The following IL1RAPL1 variants were observed in gnomAD, a reference collection of about 807,000 sequenced individuals.
IL1RAPL1 encodes the protein interleukin-1 receptor accessory protein-like 1.
In IL1RAPL1, 3 loss-of-function variants were observed where a neutral mutation model predicts 48.4. The ratio of observed to expected loss-of-function variants is 0.06; its 90% CI spans 0.03 to 0.16. The LOEUF (loss-of-function observed/expected upper bound fraction) is 0.16. IL1RAPL1 is among the 10% of genes least tolerant of loss of function. The pLI, the probability that IL1RAPL1 is intolerant of heterozygous loss-of-function variation, is 1.00. For missense variants in IL1RAPL1, 349 were observed against 530.6 expected (o/e 0.66, Z 3.36); for synonymous variants, 185 against 187.7 (o/e 0.99, Z 0.12).
chrX:29,162,222 G>T (rs1454612533), intron 2 of IL1RAPL1, among the ~76,000 whole-genome samples: 2 of 110,819 alleles, frequency 1.8e-5, no homozygotes, highest in Non-Finnish European at 3.8e-5. Context: ...TAGGAGACAA[G>T]GGGAGGGAGA....
chrX:28,904,889 ATACT>A (rs1232705880), intron 2 of IL1RAPL1, among the ~76,000 whole-genome samples: 2 of 112,147 alleles, frequency 1.8e-5, no homozygotes, highest in African/African-American at 3.2e-5. Flanking sequence ...AACAATTTTA[ATACT>A]TACCATTTAA....
At chrX:28,972,316 C>G (rs1925097252) in intron 2 of IL1RAPL1, among the ~76,000 whole-genome samples, 1 of 111,991 alleles carries the variant, frequency 8.9e-6, no homozygotes, top group South Asian at 3.7e-4. Context: ...ATCTCCAACT[C>G]CCAAACTGAG....
At chrX:28,980,959 T>C in intron 2 of IL1RAPL1, among the ~76,000 whole-genome samples, 1 of 104,574 alleles carries the variant, frequency 9.6e-6, no homozygotes, top group East Asian at 3.0e-4. Flanking sequence ...GGCATGGTGG[T>C]GCATGCCTGT....
intron 2 of IL1RAPL1, 25 bp downstream of exon 2, chrX:28,789,450 A>G (rs1173971926): frequency 2.8e-6 from 3 of 1,070,926 alleles, no homozygotes; most frequent in East Asian, 3.0e-5. Context: ...TCTATTTTTT[A>G]TGTGTTTTTA....
intron 2 of IL1RAPL1, among the ~76,000 whole-genome samples, chrX:29,137,114 ACTGCTTACCTTGGCCTCAGCTAC>A (rs1929144934): frequency 3.1e-5 from 2 of 64,039 alleles, no homozygotes; most frequent in African/African-American, 2.4e-4. Flanking sequence ...TAGACGGCTT[ACTGCTTACCTTGGCCTCAGCTAC>A]CTTACTGCTT....
At chrX:28,852,338 C>CT (rs11437442) in intron 2 of IL1RAPL1, among the ~76,000 whole-genome samples, 48,961 of 101,496 alleles carry the variant, frequency 0.48, 10,088 homozygotes, top group East Asian at 0.79. Flanking sequence ...TAATCCATAA[C>CT]TTTTTTTTTT....
At chrX:29,043,282 C>T (rs1015140476) in intron 2 of IL1RAPL1, among the ~76,000 whole-genome samples, 2 of 110,691 alleles carry the variant, frequency 1.8e-5, no homozygotes, top group Non-Finnish European at 3.8e-5. Context: ...GTTTATTTGC[C>T]CCCTTTTGAA....
chrX:28,624,860 C>G (rs931115845), intron 1 of IL1RAPL1, among the ~76,000 whole-genome samples: 3 of 112,069 alleles, frequency 2.7e-5, no homozygotes, highest in African/African-American at 9.7e-5. Flanking sequence ...TATGAATACC[C>G]TATTTAAGGA....
chrX:29,009,819 G>A lies in IL1RAPL1; in HGVS notation c.82+220394G>A, dbSNP rs75022276. 3.9e-3 allele frequency among the ~76,000 whole-genome samples: 437 copies of A among 112,038 alleles called. 2 individuals carry two copies. The highest frequency in any genetic ancestry group is 4.8e-3 in the Non-Finnish European group (256 of 53,191). On this transcript the variant is annotated intron_variant, in intron 2 of 10. Transcript: ENST00000378993. ...TGACATTGTTCATTTGATAGGAATAGCATTGAATCTATACATTGCTTTGGG... is the reference window on the plus strand; with the variant it reads ...TGACATTGTTCATTTGATAGGAATAACATTGAATCTATACATTGCTTTGGG...
intron 5 of IL1RAPL1, among the ~76,000 whole-genome samples, chrX:29,456,346 G>C (rs1602243495): frequency 9.0e-6 from 1 of 111,541 alleles, no homozygotes; most frequent in African/African-American, 3.3e-5. Context: ...GAGATGCATC[G>C]GGTAGGGGGC....
intron 2 of IL1RAPL1, among the ~76,000 whole-genome samples, chrX:29,062,404 A>G (rs1196173440): frequency 8.9e-6 from 1 of 112,557 alleles, no homozygotes; most frequent in East Asian, 2.8e-4. Context: ...GTTAAGGAGT[A>G]ATACAAGATG....
chrX:29,675,806 G>C (rs1468302132), intron 6 of IL1RAPL1, among the ~76,000 whole-genome samples: 1 of 111,498 alleles, frequency 9.0e-6, no homozygotes, highest in Non-Finnish European at 1.9e-5. Flanking sequence ...GGCCAGGCTG[G>C]TCTTGAACTC....
At chrX:29,542,306 T>C (rs933267066) in intron 5 of IL1RAPL1, among the ~76,000 whole-genome samples, 5 of 111,746 alleles carry the variant, frequency 4.5e-5, no homozygotes, top group Non-Finnish European at 9.4e-5. Context: ...TGCTGCTTCA[T>C]TTCCTTCCAC....
At chrX:29,476,811 T>G (rs1934979483) in intron 5 of IL1RAPL1, among the ~76,000 whole-genome samples, 1 of 107,632 alleles carries the variant, frequency 9.3e-6, no homozygotes, top group South Asian at 4.1e-4. Context: ...GCACTTCCTA[T>G]GTGCCACACA....
chrX:29,663,532 T>C (rs776160638), intron 5 of IL1RAPL1, among the ~76,000 whole-genome samples: 24 of 112,377 alleles, frequency 2.1e-4, no homozygotes, highest in Admixed American at 2.1e-3. Flanking sequence ...GCTTTTGAAA[T>C]TGGATTATGG....
intron 1 of IL1RAPL1, among the ~76,000 whole-genome samples, chrX:28,774,036 C>T (rs1165111312): frequency 8.9e-6 from 1 of 111,915 alleles, no homozygotes; most frequent in Non-Finnish European, 1.9e-5. Context: ...ACTTTCATTT[C>T]AAAACTTTTT....
chrX:29,830,449 CT>C (rs201355062), intron 6 of IL1RAPL1, among the ~76,000 whole-genome samples: 194 of 97,222 alleles, frequency 2.0e-3, no homozygotes, highest in South Asian at 6.9e-3. Flanking sequence ...AATTCTGACT[CT>C]TTTTTTTTTT....
At chrX:28,751,433 G>A (rs764583036) in intron 1 of IL1RAPL1, among the ~76,000 whole-genome samples, 328 of 111,378 alleles carry the variant, frequency 2.9e-3, no homozygotes, top group African/African-American at 9.8e-3. Flanking sequence ...ATCAATTTCC[G>A]AAAAATTTCC....
intron 3 of IL1RAPL1, among the ~76,000 whole-genome samples, chrX:29,301,582 A>G (rs1488597619): frequency 8.9e-6 from 1 of 112,035 alleles, no homozygotes; most frequent in East Asian, 2.8e-4. Flanking sequence ...ACTTTTTAAT[A>G]TATGTAATTC....
Sources: gnomAD v4.1 joint callset for allele counts (sites outside exome capture counted in the v4.1 genomes callset) on GRCh38, gnomAD v4.1.1 for gene constraint, MANE v1.5 for transcripts, NCBI Gene and HGNC (gene_info 2026-07-23, HGNC 2026-07-21) for gene names.